The following AKAP1 variants were observed in gnomAD, a reference collection of about 807,000 sequenced individuals.
The protein encoded by AKAP1 is A-kinase anchor protein 1, mitochondrial.
A neutral mutation model predicts 79.8 loss-of-function variants in AKAP1; 32 were observed. The ratio of observed to expected loss-of-function variants is 0.40; its 90% CI spans 0.30 to 0.54. The LOEUF (loss-of-function observed/expected upper bound fraction) is 0.54, where lower values mean the gene tolerates loss of function less well. AKAP1 is among the 20% of genes least tolerant of loss of function. The probability of loss-of-function intolerance (pLI) is 0.47; values close to 1 mark genes in which losing one functional copy is unlikely to be tolerated. For synonymous variants in AKAP1, 416 were observed against 466.7 expected (o/e 0.89, Z 1.40); for missense variants, 961 against 1,138.9 (o/e 0.84, Z 2.25).
intron 1 of AKAP1, among the ~76,000 whole-genome samples, chr17:57,097,081 CTT>C (rs1434862636): frequency 1.3e-5 from 2 of 152,240 alleles, no homozygotes; most frequent in Admixed American, 1.3e-4. Flanking sequence ...AGGTCAAACT[CTT>C]TGTCTCGCCT....
rs1340738647 is a variant in AKAP1 at position 57,116,203 on chromosome 17, C to T, written c.2374C>T (p.Arg792Ter). The change falls in exon 7 of 11, where the codon CGA becomes TGA. Residue 792 changes from arginine (R) to a stop codon, truncating the protein, a stop_gained. Transcript: ENST00000337714. LOFTEE classifies it high-confidence loss of function. ...SYEETNEVEI[R>*]YVDYGGYKRV... ...CGAGGAGACCAACGAAGTGGAGATTCGATACGTGGACTACGGCGGATATAA... is the reference window on the plus strand; with the variant it reads ...CGAGGAGACCAACGAAGTGGAGATTTGATACGTGGACTACGGCGGATATAA... 5.0e-6 allele frequency: 8 copies of T among 1,614,174 alleles called. No individual in the cohort carries two copies. Among genetic ancestry groups the T allele is most frequent in the African/African-American group, 4.0e-5 (3 of 75,058 alleles).
chr17:57,089,007 T>G (rs1025937411), intron 1 of AKAP1, among the ~76,000 whole-genome samples: 1 of 152,202 alleles, frequency 6.6e-6, no homozygotes, highest in Non-Finnish European at 1.5e-5. Flanking sequence ...CTAGGGCTGA[T>G]GAGGCTTGTT....
At chr17:57,111,747 A>C (rs1330250933) in intron 3 of AKAP1, 51 bp from the exon 4 acceptor site, 2 of 1,605,456 alleles carry the variant, frequency 1.2e-6, no homozygotes, top group South Asian at 1.1e-5. Flanking sequence ...TTGGGTGTCC[A>C]GGGAATTGGT....
intron 9 of AKAP1, 92 bp from the exon 10 acceptor site, chr17:57,118,890 C>T (rs1915749224): frequency 7.1e-7 from 1 of 1,413,192 alleles, no homozygotes; most frequent in East Asian, 2.3e-5. Context: ...TCTCCCTCGA[C>T]ACATGGGGAT....
chr17:57,101,289 C>G (rs1914495311), intron 1 of AKAP1, among the ~76,000 whole-genome samples: 1 of 152,122 alleles, frequency 6.6e-6, no homozygotes, highest in Admixed American at 6.5e-5. Context: ...ACCTCCGCCT[C>G]CCTGGCTCAA....
Position 57,086,507 on chromosome 17 carries a change from G to T in AKAP1, c.-25+1109G>T. The T allele has an allele frequency of 2.2e-6, 1 of 451,052 alleles. No individual in the cohort carries two copies. Among genetic ancestry groups the T allele is most frequent in the Middle Eastern group, 3.3e-4 (1 of 3,042 alleles). The allele number at this position is 451,052 out of a possible 1,614,324, so 27.9% of individuals were successfully genotyped here. A position where few individuals can be genotyped will look rare whatever the true frequency, so the allele number is the denominator to read the frequency against. On this transcript the variant is annotated intron_variant, in intron 1 of 10. Coordinates refer to ENST00000337714, the MANE Select transcript of AKAP1 (RefSeq NM_003488.4). This position sits in a 1 kb window ranked among gnomAD's most constrained non-coding sequence, Gnocchi z 5.1. ...TGGGTGGCGGCGCCTTCCTGCCGCC[G>T]TTAACACAAACCCGGTGGACTTCGC...
chr17:57,102,872 G>A (rs1406552301), intron 1 of AKAP1, among the ~76,000 whole-genome samples: 1 of 151,578 alleles, frequency 6.6e-6, no homozygotes, highest in East Asian at 1.9e-4. Context: ...ATCACCTGAG[G>A]TCTCGAGTTC....
chr17:57,116,030 G>A, intron 6 of AKAP1, 81 bp from the exon 7 acceptor site: 6 of 1,526,630 alleles, frequency 3.9e-6, no homozygotes, highest in Non-Finnish European at 5.3e-6. Context: ...AGGTAACGCA[G>A]GGAGGTGGGT....
At chr17:57,112,760 G>C in intron 5 of AKAP1, 142 bp downstream of exon 5, 1 of 1,256,694 alleles carries the variant, frequency 8.0e-7, no homozygotes, top group African/African-American at 1.5e-5. Context: ...TCTGCTGGTC[G>C]GTTCTGCTAT....
chr17:57,108,088 G>A (rs1014466015), intron 2 of AKAP1: 2 of 1,122,440 alleles, frequency 1.8e-6, no homozygotes, highest in Non-Finnish European at 2.2e-6. Context: ...GCACCCTGGG[G>A]TGTTTTCATT....
chr17:57,103,269 G>A (rs181006456), intron 1 of AKAP1, among the ~76,000 whole-genome samples: 1 of 152,314 alleles, frequency 6.6e-6, no homozygotes, highest in East Asian at 1.9e-4. Flanking sequence ...CTTTCAAATG[G>A]AGGTGACCTT....
rs776978233 is a variant in AKAP1 at position 57,119,064 on chromosome 17, T to G, written c.2637+20T>G. On this transcript the variant is annotated intron_variant, in intron 10 of 10. Coordinates refer to ENST00000337714, the MANE Select transcript of AKAP1 (RefSeq NM_003488.4). ...GATGAAGTAAGTTCTGCCCTTCTTT[T>G]CCTTCTGTGTTGCTGGCCCGAAGTA... 5.6e-6 allele frequency: 9 copies of G among 1,612,418 alleles called. No individual in the cohort carries two copies. The highest frequency in any genetic ancestry group is 6.8e-6 in the Non-Finnish European group (8 of 1,178,608).
chr17:57,097,559 G>A (rs892907888), intron 1 of AKAP1, among the ~76,000 whole-genome samples: 2 of 152,216 alleles, frequency 1.3e-5, no homozygotes, highest in Admixed American at 6.5e-5. Flanking sequence ...GCCACAGACT[G>A]CTGTCATTCT....
chr17:57,107,940 G>C, intron 2 of AKAP1: 1 of 1,289,378 alleles, frequency 7.8e-7, no homozygotes, highest in Non-Finnish European at 1.0e-6. Flanking sequence ...TTTTCTTTCT[G>C]TGCAGTTGCA....
intron 2 of AKAP1, among the ~76,000 whole-genome samples, chr17:57,108,644 TG>T (rs1915045739): frequency 6.6e-6 from 1 of 152,190 alleles, no homozygotes; most frequent in Non-Finnish European, 1.5e-5. Flanking sequence ...GAGCATGCGG[TG>T]GGTGCCAAGC....
intron 1 of AKAP1, among the ~76,000 whole-genome samples, chr17:57,089,957 A>G (rs1913682230): frequency 6.6e-6 from 1 of 152,204 alleles, no homozygotes; most frequent in Non-Finnish European, 1.5e-5. Context: ...GTCAGATGTC[A>G]ACATATTGTT....
intron 1 of AKAP1, among the ~76,000 whole-genome samples, chr17:57,097,841 C>T (rs1914218650): frequency 6.6e-6 from 1 of 152,242 alleles, no homozygotes; most frequent in African/African-American, 2.4e-5. Context: ...AGGCCCAAGC[C>T]CACATTGGGC....
chr17:57,114,143 C>A (rs544081511), intron 5 of AKAP1, among the ~76,000 whole-genome samples: 24 of 152,306 alleles, frequency 1.6e-4, no homozygotes, highest in African/African-American at 5.8e-4. Flanking sequence ...CCTGCCCAGG[C>A]CTGTGCAAGG....
intron 1 of AKAP1, among the ~76,000 whole-genome samples, chr17:57,104,941 C>CT: frequency 6.6e-6 from 1 of 152,314 alleles, no homozygotes; most frequent in Middle Eastern, 3.4e-3. Context: ...CTCACTGTCT[C>CT]TAATTGCTGA....
Sources: allele counts gnomAD v4.1 joint callset (sites outside exome capture counted in the v4.1 genomes callset), GRCh38; gene constraint gnomAD v4.1.1; non-coding constraint Gnocchi (gnomAD v3.1); transcripts MANE v1.5; gene names NCBI Gene and HGNC (gene_info 2026-07-23, HGNC 2026-07-21).